GRIN3A: variants seen among roughly 807,000 people sequenced by gnomAD.
GRIN3A encodes the protein glutamate receptor ionotropic, NMDA 3A.
In GRIN3A, 47 loss-of-function variants were observed where a neutral mutation model predicts 92.4. The ratio of observed to expected loss-of-function variants is 0.51; its 90% confidence interval spans 0.40 to 0.65. The LOEUF (loss-of-function observed/expected upper bound fraction) is 0.65, where lower values mean the gene tolerates loss of function less well. Ranked by LOEUF, GRIN3A falls within the 30% of genes least tolerant of loss-of-function variation. The pLI is 0.00. For missense variants in GRIN3A, 1,324 were observed against 1,393.1 expected, an observed-to-expected ratio of 0.95 and a Z score of 0.79; for synonymous variants, 527 against 540.6, an observed-to-expected ratio of 0.97 and a Z score of 0.35.
chr9:101,650,699 C>T (rs989005726), intron 3 of GRIN3A, among the ~76,000 whole-genome samples: 1 of 151,990 alleles, frequency 6.6e-6, no homozygotes, highest in Admixed American at 6.6e-5. Context: ...AACAACTATA[C>T]GTGAGGATCC....
chr9:101,693,327 C>G (rs184414573), intron 1 of GRIN3A, among the ~76,000 whole-genome samples: 1 of 150,430 alleles, frequency 6.6e-6, no homozygotes, highest in Non-Finnish European at 1.5e-5. Context: ...AACTGAGGAA[C>G]GAGAGTTGCT....
At chr9:101,577,632 A>T in intron 8 of GRIN3A, 136 bp downstream of exon 8, 2 of 728,630 alleles carry the variant, frequency 2.7e-6, no homozygotes, top group African/African-American at 1.8e-5. Context: ...TACATTTTTT[A>T]TTTTATGTTT....
intron 6 of GRIN3A, among the ~76,000 whole-genome samples, chr9:101,596,262 T>G (rs985777088): frequency 1.3e-5 from 2 of 152,308 alleles, no homozygotes; most frequent in East Asian, 3.9e-4. Context: ...TATAAACAAA[T>G]GATAATCCAT....
chr9:101,674,682 A>G (rs1437026082), intron 2 of GRIN3A, among the ~76,000 whole-genome samples: 2 of 152,100 alleles, frequency 1.3e-5, no homozygotes, highest in African/African-American at 2.4e-5. Context: ...CCTGGATCAA[A>G]GGGAACAGTA....
intron 1 of GRIN3A, among the ~76,000 whole-genome samples, chr9:101,713,093 G>T (rs1051981953): frequency 6.6e-6 from 1 of 152,090 alleles, no homozygotes; most frequent in Non-Finnish European, 1.5e-5. Flanking sequence ...CTTTCCTTCG[G>T]CCATTTAGTT....
intron 1 of GRIN3A, among the ~76,000 whole-genome samples, chr9:101,690,554 G>A (rs1299355525): frequency 1.3e-5 from 2 of 152,136 alleles, no homozygotes; most frequent in Non-Finnish European, 2.9e-5. Context: ...TTGGTTCAAA[G>A]CATCAAAGAA....
chr9:101,735,993 G>A (rs1309930946), intron 1 of GRIN3A, among the ~76,000 whole-genome samples: 3 of 152,136 alleles, frequency 2.0e-5, no homozygotes, highest in Non-Finnish European at 2.9e-5. Flanking sequence ...TCTAGAAAAA[G>A]AAATCTTTAG....
chr9:101,590,396 T>TTTA (rs1564120228), intron 6 of GRIN3A, among the ~76,000 whole-genome samples: 15 of 145,996 alleles, frequency 1.0e-4, no homozygotes, highest in South Asian at 8.7e-4. Flanking sequence ...TTATTTATTT[T>TTTA]TTTGAGATGG....
chr9:101,581,914 C>G (rs1363895261), intron 6 of GRIN3A, among the ~76,000 whole-genome samples: 2 of 152,106 alleles, frequency 1.3e-5, no homozygotes, highest in Admixed American at 6.5e-5. Flanking sequence ...AGCAACTTGC[C>G]TTATCTTTAT....
chr9:101,724,103 G>A (rs541584679), intron 1 of GRIN3A, among the ~76,000 whole-genome samples: 1 of 152,296 alleles, frequency 6.6e-6, no homozygotes, highest in South Asian at 2.1e-4. Context: ...CCAGTCCCAC[G>A]CTGTGCGCCC....
intron 4 of GRIN3A, among the ~76,000 whole-genome samples, chr9:101,626,010 T>G (rs548827366): frequency 3.9e-5 from 6 of 152,258 alleles, no homozygotes; most frequent in Non-Finnish European, 2.9e-5. Flanking sequence ...TATGATAAAT[T>G]TCAGTTACGT....
chr9:101,701,531 G>T (rs1278385012), intron 1 of GRIN3A, among the ~76,000 whole-genome samples: 3 of 151,966 alleles, frequency 2.0e-5, no homozygotes, highest in African/African-American at 7.3e-5. Context: ...ACTCAAGATG[G>T]ATTAAAAGCC....
intron 6 of GRIN3A, chr9:101,594,290 G>C (rs1828076099): frequency 7.6e-7 from 1 of 1,307,938 alleles, no homozygotes; most frequent in East Asian, 2.4e-5. Flanking sequence ...AGGACATATG[G>C]CTTCACAAAA....
chr9:101,674,560 G>A (rs921468435), intron 2 of GRIN3A, among the ~76,000 whole-genome samples: 2 of 152,018 alleles, frequency 1.3e-5, no homozygotes, highest in East Asian at 3.9e-4. Context: ...TTGACAGAAG[G>A]TCATATAAAT....
At chr9:101,574,052 A>G (rs1437599236) in intron 8 of GRIN3A, among the ~76,000 whole-genome samples, 1 of 152,112 alleles carries the variant, frequency 6.6e-6, no homozygotes, top group Non-Finnish European at 1.5e-5. Flanking sequence ...AGGTCTCAGC[A>G]AAGTGTTTCT....
intron 1 of GRIN3A, among the ~76,000 whole-genome samples, chr9:101,693,108 A>G (rs1829640480): frequency 6.6e-6 from 1 of 152,040 alleles, no homozygotes; most frequent in Non-Finnish European, 1.5e-5. Context: ...CACAGCTACT[A>G]AGAAATAGAG....
intron 5 of GRIN3A, among the ~76,000 whole-genome samples, chr9:101,618,258 C>T (rs1343128705): frequency 1.3e-5 from 2 of 149,882 alleles, no homozygotes; most frequent in East Asian, 3.9e-4. Context: ...AGTGAACAGG[C>T]AACCTACAAA....
At chr9:101,681,527 T>C (rs565351652) in intron 2 of GRIN3A, among the ~76,000 whole-genome samples, 3 of 152,344 alleles carry the variant, frequency 2.0e-5, no homozygotes, top group African/African-American at 7.2e-5. Context: ...TAAATTTATC[T>C]TTCAGGTCTT....
At chr9:101,669,204 T>G (rs1222080103) in intron 3 of GRIN3A, among the ~76,000 whole-genome samples, 1 of 152,094 alleles carries the variant, frequency 6.6e-6, no homozygotes. Context: ...GCCCTGGTCC[T>G]TGACAGTCCC....
Sources: allele counts gnomAD v4.1 joint callset (sites outside exome capture counted in the v4.1 genomes callset), GRCh38; gene constraint gnomAD v4.1.1; transcripts MANE v1.5; gene names NCBI Gene and HGNC (gene_info 2026-07-23, HGNC 2026-07-21).